PHLDB2: variants seen among roughly 807,000 people sequenced by gnomAD.
The protein encoded by PHLDB2 is pleckstrin homology like domain family B member 2.
PHLDB2 carries 71 observed loss-of-function variants against 123.6 expected under a neutral mutation model. The observed-to-expected ratio is 0.57, with a 90% CI of 0.47 to 0.70. The LOEUF (loss-of-function observed/expected upper bound fraction) is 0.70. Among genes scored for constraint, PHLDB2 ranks in the 30% least tolerant of loss-of-function variants. The pLI is 0.00. For missense variants in PHLDB2, 1,446 were observed against 1,519.5 expected, an observed-to-expected ratio of 0.95 and a Z score of 0.80; for synonymous variants, 547 against 541.6, an observed-to-expected ratio of 1.01 and a Z score of -0.14.
intron 1 of PHLDB2, among the ~76,000 whole-genome samples, chr3:111,737,554 A>G (rs1053627249): frequency 2.0e-5 from 3 of 152,216 alleles, no homozygotes; most frequent in African/African-American, 7.2e-5. Flanking sequence ...GCAATTCACC[A>G]TGCCTTGGAG....
intron 1 of PHLDB2, among the ~76,000 whole-genome samples, chr3:111,805,098 T>C (rs986071433): frequency 1.3e-4 from 20 of 152,226 alleles, no homozygotes; most frequent in Non-Finnish European, 2.5e-4. Flanking sequence ...TAAACATACG[T>C]GTGCCTTGTT....
intron 1 of PHLDB2, among the ~76,000 whole-genome samples, chr3:111,831,425 G>A (rs540702866): frequency 2.7e-5 from 4 of 148,640 alleles, no homozygotes; most frequent in Admixed American, 2.7e-4. Context: ...GTCTTCCCAT[G>A]AGCACATTTG....
chr3:111,941,766 C>A (rs2069901153), intron 8 of PHLDB2, among the ~76,000 whole-genome samples: 3 of 152,108 alleles, frequency 2.0e-5, no homozygotes, highest in Admixed American at 2.0e-4. Flanking sequence ...AAGATCATGC[C>A]ACTGCACTCC....
chr3:111,836,272 G>A (rs1199251621), intron 1 of PHLDB2, among the ~76,000 whole-genome samples: 1 of 152,186 alleles, frequency 6.6e-6, no homozygotes, highest in African/African-American at 2.4e-5. Flanking sequence ...GGAATAAGAA[G>A]CCCTGTTCAC....
intron 6 of PHLDB2, among the ~76,000 whole-genome samples, chr3:111,936,075 C>T (rs970273727): frequency 6.6e-6 from 1 of 152,340 alleles, no homozygotes; most frequent in East Asian, 1.9e-4. Context: ...GCTGTTATTA[C>T]TGCAATTTCT....
intron 1 of PHLDB2, among the ~76,000 whole-genome samples, chr3:111,742,804 A>G (rs886642600): frequency 3.3e-5 from 5 of 152,176 alleles, no homozygotes; most frequent in Non-Finnish European, 1.5e-5. Flanking sequence ...AGCATGATTT[A>G]TCAAATATTT....
intron 15 of PHLDB2, among the ~76,000 whole-genome samples, chr3:111,969,176 C>CT (rs1218452913): frequency 6.6e-6 from 1 of 152,152 alleles, no homozygotes; most frequent in African/African-American, 2.4e-5. Flanking sequence ...CCTTCAATTT[C>CT]TATCGGAATA....
At chr3:111,759,027 T>A (rs1430099323) in intron 1 of PHLDB2, among the ~76,000 whole-genome samples, 1 of 152,166 alleles carries the variant, frequency 6.6e-6, no homozygotes, top group Admixed American at 6.5e-5. Flanking sequence ...TACTGTGATA[T>A]TTTAAGGAAG....
At chr3:111,739,727 T>C (rs1002974537) in intron 1 of PHLDB2, among the ~76,000 whole-genome samples, 3 of 152,104 alleles carry the variant, frequency 2.0e-5, no homozygotes, top group Admixed American at 1.3e-4. Flanking sequence ...TCACCCAGGT[T>C]GTTGCTAACT....
chr3:111,921,752 G>A (rs1485947663), intron 5 of PHLDB2, among the ~76,000 whole-genome samples: 3 of 151,980 alleles, frequency 2.0e-5, no homozygotes, highest in Non-Finnish European at 4.4e-5. Flanking sequence ...ACAGGCACCC[G>A]CCACCACACC....
chr3:111,829,882 T>C (rs2062854202), intron 1 of PHLDB2, among the ~76,000 whole-genome samples: 1 of 151,486 alleles, frequency 6.6e-6, no homozygotes, highest in South Asian at 2.1e-4. Flanking sequence ...TTTTATTTCA[T>C]ATCACCTTAC....
chr3:111,780,318 A>G (rs1285907361), intron 1 of PHLDB2, among the ~76,000 whole-genome samples: 2 of 6,458 alleles, frequency 3.1e-4, no homozygotes, highest in African/African-American at 4.6e-4. Context: ...AGGAAGAGGA[A>G]GAGGAAGAAG....
At chr3:111,839,940 CTTTTTTTTTT>C (rs3082317) in intron 1 of PHLDB2, among the ~76,000 whole-genome samples, 1 of 64,940 alleles carries the variant, frequency 1.5e-5, no homozygotes, top group Admixed American at 2.7e-4. Flanking sequence ...CCCACCCCCG[CTTTTTTTTTT>C]TTTTTTTTTT....
At chr3:111,802,908 A>AAGATGCCAT (rs2061431044) in intron 1 of PHLDB2, among the ~76,000 whole-genome samples, 1 of 152,204 alleles carries the variant, frequency 6.6e-6, no homozygotes, top group Non-Finnish European at 1.5e-5. Flanking sequence ...ATGATAGATA[A>AAGATGCCAT]TTAATCATCT....
upstream of PHLDB2, among the ~76,000 whole-genome samples, chr3:111,857,480 A>G (rs1306027895): frequency 8.5e-6 from 1 of 118,304 alleles, no homozygotes; most frequent in African/African-American, 2.9e-5. Flanking sequence ...GAAAAGAAAA[A>G]AAAATTCCAA....
chr3:111,852,764 ACACAC>A (rs1179861832), intron 2 of PHLDB2, among the ~76,000 whole-genome samples: 7 of 110,714 alleles, frequency 6.3e-5, no homozygotes, highest in Non-Finnish European at 1.5e-4. Context: ...ACACACACAC[ACACAC>A]ACACACACAC....
intron 12 of PHLDB2, 34 bp downstream of exon 12, chr3:111,954,063 T>C: frequency 1.3e-6 from 2 of 1,574,368 alleles, no homozygotes; most frequent in South Asian, 2.2e-5. Context: ...TCATGGCCTT[T>C]TGTTAAGCAT....
intron 1 of PHLDB2, among the ~76,000 whole-genome samples, chr3:111,740,355 TGA>T (rs71131974): frequency 0.052 from 7,831 of 150,338 alleles, 260 homozygotes; most frequent in Middle Eastern, 0.077. Flanking sequence ...TCATTAAATA[TGA>T]GAGAGAGAGA....
chr3:111,784,521 C>A (rs751932387), intron 1 of PHLDB2, among the ~76,000 whole-genome samples: 4 of 152,030 alleles, frequency 2.6e-5, no homozygotes, highest in African/African-American at 7.3e-5. Flanking sequence ...ATCAGTAGGC[C>A]CCTCTCTCAT....
Sources: gnomAD v4.1 joint callset for allele counts (sites outside exome capture counted in the v4.1 genomes callset) on GRCh38, gnomAD v4.1.1 for gene constraint, MANE v1.5 for transcripts, NCBI Gene and HGNC (gene_info 2026-07-23, HGNC 2026-07-21) for gene names.